Variants in TEX11 observed in about 807,000 individuals in gnomAD.
TEX11 encodes the protein testis-expressed protein 11.
In TEX11, 7 loss-of-function variants were observed where a neutral mutation model predicts 84.4. The ratio of observed to expected loss-of-function variants is 0.08; its 90% CI spans 0.05 to 0.16. TEX11 has a LOEUF of 0.16. TEX11 is among the 10% of genes least tolerant of loss of function. The probability of loss-of-function intolerance (pLI) is 1.00; values close to 1 mark genes in which losing one functional copy is unlikely to be tolerated. For missense variants in TEX11, 551 were observed against 660.5 expected (o/e 0.83, Z 1.82); for synonymous variants, 264 against 222.8 (o/e 1.18, Z -1.64).
intron 27 of TEX11, 35 bp downstream of exon 27, chrX:70,553,271 T>C: frequency 9.9e-7 from 1 of 1,010,328 alleles, no homozygotes; most frequent in Non-Finnish European, 1.4e-6. Context: ...TATAGTTCTT[T>C]TGGCTAGCAA....
chrX:70,591,929 T>G (rs1449726900), intron 24 of TEX11, 106 bp from the exon 25 acceptor site: 16 of 523,199 alleles, frequency 3.1e-5, no homozygotes, highest in Non-Finnish European at 4.8e-5. Context: ...AAAAATAAAT[T>G]AATAGAAAAA....
rs191448085 is a variant in TEX11, at chrX:70,723,814, C to T, written c.926-1118G>A. ...TACAAAAAATATCAGTGCAATAATG[C>T]CAGCAGTTAGGCTGACCATTTTAAG... On this transcript the variant is annotated intron_variant, in intron 12 of 29. Coordinates refer to ENST00000374333, the MANE Select transcript of TEX11 (RefSeq NM_031276.3). Among the ~76,000 whole-genome samples the T allele has an allele frequency of 3.2e-3, 358 of 111,242 alleles. 1 individual carries two copies. Among genetic ancestry groups the T allele is most frequent in the African/African-American group, 0.011 (340 of 30,794 alleles).
intron 29 of TEX11, 41 bp downstream of exon 29, chrX:70,529,794 C>T (rs962588662): frequency 6.0e-6 from 7 of 1,165,524 alleles, no homozygotes; most frequent in Non-Finnish European, 8.0e-6. Context: ...ACCTCTTGCC[C>T]CCTAGGTCAT....
chrX:70,852,344 G>T (rs1245239173), intron 7 of TEX11, among the ~76,000 whole-genome samples: 1 of 111,036 alleles, frequency 9.0e-6, no homozygotes, highest in Non-Finnish European at 1.9e-5. Flanking sequence ...CACCAAGCCT[G>T]GCTAATTTTT....
At chrX:70,532,530 G>A (rs1261323643) in intron 28 of TEX11, among the ~76,000 whole-genome samples, 4 of 109,720 alleles carry the variant, frequency 3.6e-5, no homozygotes, top group Non-Finnish European at 3.8e-5. Flanking sequence ...GAGGTCGGGA[G>A]TTCGAGACCA....
rs995637645 is a variant in TEX11 at position 70,835,318 on chromosome X, A to G, written c.526-1725T>C. On this transcript the variant is annotated intron_variant, in intron 7 of 29. Coordinates refer to ENST00000374333, the MANE Select transcript of TEX11 (RefSeq NM_031276.3). ...AAGTGTCTATCATTACTCAGATTTT[A>G]TCTTAGAGAAATCAAAGCTCTAATA... Among the ~76,000 whole-genome samples the G allele has an allele frequency of 2.9e-4, 33 of 112,560 alleles. 1 individual carries two copies. Among genetic ancestry groups the G allele is most frequent in the African/African-American group, 1.0e-3 (32 of 31,034 alleles).
chrX:70,557,791 A>C (rs1383791859), intron 25 of TEX11, among the ~76,000 whole-genome samples: 1 of 111,816 alleles, frequency 8.9e-6, no homozygotes, highest in Non-Finnish European at 1.9e-5. Context: ...AGAATAACCA[A>C]AACAATCTTG....
chrX:70,534,570 T>C (rs1345312441), intron 28 of TEX11, among the ~76,000 whole-genome samples: 2 of 112,017 alleles, frequency 1.8e-5, no homozygotes, highest in Non-Finnish European at 3.8e-5. Context: ...CAAATCAATG[T>C]CAGCAAACTG....
intron 9 of TEX11, among the ~76,000 whole-genome samples, chrX:70,750,931 A>ATATATATATATAT (rs1330223404): frequency 1.3e-3 from 29 of 21,944 alleles, no homozygotes; most frequent in Admixed American, 1.4e-3. Context: ...TAAAAAAAAA[A>ATATATATATATAT]AAATATATAT....
chrX:70,886,699 C>A, intron 2 of TEX11, among the ~76,000 whole-genome samples: 1 of 111,455 alleles, frequency 9.0e-6, no homozygotes. Context: ...TTAATCCAAA[C>A]CAACAGCTTC....
chrX:70,871,516 A>G (rs971567507), intron 4 of TEX11, among the ~76,000 whole-genome samples: 7 of 112,511 alleles, frequency 6.2e-5, no homozygotes, highest in Non-Finnish European at 1.3e-4. Context: ...GACTTATTTC[A>G]TCACATCCAG....
At chrX:70,636,506 C>T (rs2089576022) in intron 17 of TEX11, among the ~76,000 whole-genome samples, 1 of 111,932 alleles carries the variant, frequency 8.9e-6, no homozygotes, top group East Asian at 2.8e-4. Flanking sequence ...GGACTGAGGC[C>T]TGCCCTAGTC....
At chrX:70,813,467 T>C (rs913505232) in intron 8 of TEX11, among the ~76,000 whole-genome samples, 2 of 111,557 alleles carry the variant, frequency 1.8e-5, no homozygotes, top group Admixed American at 9.6e-5. Context: ...TAAGAGCTAT[T>C]TATGACAAAC....
intron 9 of TEX11, among the ~76,000 whole-genome samples, chrX:70,762,069 T>C (rs1279490413): frequency 8.9e-6 from 1 of 111,863 alleles, no homozygotes; most frequent in East Asian, 2.8e-4. Context: ...AAATATCCTT[T>C]AAACATGAAG....
intron 9 of TEX11, among the ~76,000 whole-genome samples, chrX:70,750,844 C>T (rs1173019455): frequency 2.0e-3 from 184 of 91,960 alleles, no homozygotes; most frequent in Non-Finnish European, 3.5e-3. Flanking sequence ...GTGGGTGCAG[C>T]GCACCAGCAT....
intron 11 of TEX11, among the ~76,000 whole-genome samples, chrX:70,737,076 T>A (rs868167693): frequency 6.1e-4 from 68 of 111,395 alleles, no homozygotes; most frequent in African/African-American, 2.1e-3. Context: ...GATATTAGAA[T>A]TATCAAAGAA....
Position 70,763,912 on chromosome X carries a change from G to A in TEX11, c.693-19693C>T, listed in dbSNP as rs764094446. On this transcript the variant is annotated intron_variant, in intron 9 of 29. Transcript: ENST00000374333. ...CTGTAGATGTCAACACCCCACTTTC[G>A]GCATTGGACAGATCTTCCAGACAGA... 2.7e-5 allele frequency among the ~76,000 whole-genome samples: 3 copies of A among 111,767 alleles called. No homozygotes were observed. The East Asian group carries it at 8.4e-4, about 31-fold the overall frequency.
intron 16 of TEX11, among the ~76,000 whole-genome samples, chrX:70,658,168 A>G (rs1256665523): frequency 8.9e-6 from 1 of 111,960 alleles, no homozygotes; most frequent in East Asian, 2.8e-4. Flanking sequence ...CAATCTCAGC[A>G]CTTTGGGAGG....
chrX:70,530,192 CA>C (rs1164140496), intron 28 of TEX11, among the ~76,000 whole-genome samples, 193 bp from the exon 29 acceptor site: 1 of 111,401 alleles, frequency 9.0e-6, no homozygotes, highest in Non-Finnish European at 1.9e-5. Context: ...TGTTCCATAG[CA>C]AGATCTCATG....
Sources: gnomAD v4.1 joint callset for allele counts (sites outside exome capture counted in the v4.1 genomes callset) on GRCh38, gnomAD v4.1.1 for gene constraint, MANE v1.5 for transcripts, NCBI Gene and HGNC (gene_info 2026-07-23, HGNC 2026-07-21) for gene names.